Variants in SEC61A1 observed in about 807,000 individuals in gnomAD.
SEC61A1 encodes protein transport protein Sec61 subunit alpha isoform 1.
A neutral mutation model predicts 55.2 loss-of-function variants in SEC61A1; 15 were observed. That is an observed-to-expected ratio of 0.27 (90% CI 0.18 to 0.42). SEC61A1 has a LOEUF of 0.42. SEC61A1 is among the 10% of genes least tolerant of loss of function. The pLI is 1.00. For synonymous variants in SEC61A1, 247 were observed against 234.0 expected (o/e 1.06, Z -0.51); for missense variants, 284 against 602.6 (o/e 0.47, Z 5.53).
At chr3:128,052,230 G>C (rs1261191796), upstream of SEC61A1, 3 of 352,446 alleles carry the variant, frequency 8.5e-6, no homozygotes, top group East Asian at 5.5e-5. Flanking sequence ...CACACCCCCA[G>C]TCCCGGCGGG....
intron 5 of SEC61A1, among the ~76,000 whole-genome samples, chr3:128,057,073 A>G (rs919354090): frequency 1.4e-4 from 21 of 152,204 alleles, no homozygotes; most frequent in African/African-American, 4.8e-4. Flanking sequence ...AGCTGGGATT[A>G]CAGGCACGTG....
chr3:128,063,222 C>T (rs1348938227), intron 7 of SEC61A1, among the ~76,000 whole-genome samples: 2 of 152,178 alleles, frequency 1.3e-5, no homozygotes, highest in Non-Finnish European at 2.9e-5. Context: ...TGACAAGTTC[C>T]ACAGTACTAG....
Position 128,060,519 on chromosome 3 carries a change from T to C in SEC61A1, c.474T>C (p.Ala158=), listed in dbSNP as rs111965686. The part of the protein sequence containing the change: ...CLLITIQLFV[A]GLIVLLLDEL... Reference sequence around the variant, plus strand: ...TTGAATTTTTACAGCTCTTTGTTGCTGGCTTAATTGTCCTACTTTTGGATG... The same window carrying C: ...TTGAATTTTTACAGCTCTTTGTTGCCGGCTTAATTGTCCTACTTTTGGATG... The change falls in exon 7 of 12, where the codon GCT becomes GCC. Residue 158 remains alanine (A), a synonymous_variant. Transcript: ENST00000243253. The C allele has an allele frequency of 6.2e-7, 1 of 1,614,190 alleles. No homozygotes were observed. Among genetic ancestry groups the C allele is most frequent in the Non-Finnish European group, 8.5e-7 (1 of 1,180,014 alleles).
intron 2 of SEC61A1, among the ~76,000 whole-genome samples, chr3:128,053,157 G>T (rs1941715361): frequency 6.6e-6 from 1 of 152,160 alleles, no homozygotes; most frequent in African/African-American, 2.4e-5. Context: ...GCCTCCGGTT[G>T]CCCTGTCCCA....
upstream of SEC61A1, chr3:128,051,806 C>G: frequency 6.5e-7 from 1 of 1,534,416 alleles, no homozygotes; most frequent in East Asian, 2.4e-5. Flanking sequence ...CTTCTCCGGC[C>G]AAGTCTCTCC....
intron 11 of SEC61A1, among the ~76,000 whole-genome samples, chr3:128,069,204 ATT>A (rs2107654247): frequency 6.6e-6 from 1 of 152,336 alleles, no homozygotes; most frequent in South Asian, 2.1e-4. Flanking sequence ...ATGATGAAAT[ATT>A]TTACATCCTT....
In SEC61A1 at chr3:128,060,218, A is replaced by T. The variant is rs1038288312; in HGVS notation, c.462+7A>T. ...CCTGCTAATCACCATTCAGGTAATT[A>T]TTATGCTAACATCTCCCTTTGAGTA... is the stretch of plus-strand genomic sequence containing the variant. On this transcript the variant is annotated splice_region_variant and intron_variant, in intron 6 of 11. Coordinates refer to ENST00000243253, the MANE Select transcript of SEC61A1 (RefSeq NM_013336.4). 6.3e-7 allele frequency: 1 copy of T among 1,586,320 alleles called. No individual in the cohort carries two copies. Among genetic ancestry groups the T allele is most frequent in the Admixed American group, 1.7e-5 (1 of 59,998 alleles).
At chr3:128,052,019 G>T, upstream of SEC61A1, 1 of 855,388 alleles carries the variant, frequency 1.2e-6, no homozygotes, top group Non-Finnish European at 1.9e-6. Flanking sequence ...GGGAGCTTAC[G>T]GTCTATTCAC....
At chr3:128,061,429 G>T (rs1559796175) in intron 7 of SEC61A1, among the ~76,000 whole-genome samples, 1 of 152,134 alleles carries the variant, frequency 6.6e-6, no homozygotes, top group African/African-American at 2.4e-5. Context: ...ACATTTTTTG[G>T]CACTAAATAT....
chr3:128,071,521 G>A lies in SEC61A1; in HGVS notation c.*1859G>A, dbSNP rs974633249. 13 of 152,674 alleles carry A rather than the reference G, an allele frequency of 8.5e-5. No homozygotes were observed. Among genetic ancestry groups the A allele is most frequent in the African/African-American group, 2.7e-4 (11 of 41,454 alleles). The allele number at this position is 152,674 out of a possible 1,614,324, so 9.5% of individuals were successfully genotyped here. ...GTCCCGCCTGCAGCCTGTAACCATC[G>A]GCTGGGCCCTGCAAGGCCCACACTC... On this transcript the variant is annotated 3_prime_UTR_variant, in exon 12 of 12. Coordinates refer to ENST00000243253, the MANE Select transcript of SEC61A1 (RefSeq NM_013336.4).
At chr3:128,053,226 C>T (rs1258859158) in intron 2 of SEC61A1, among the ~76,000 whole-genome samples, 1 of 152,154 alleles carries the variant, frequency 6.6e-6, no homozygotes, top group African/African-American at 2.4e-5. Context: ...ATTGAGTTAC[C>T]CTCCCTTTTT....
At chr3:128,054,953 A>G (rs1251746397) in intron 2 of SEC61A1, among the ~76,000 whole-genome samples, 1 of 152,214 alleles carries the variant, frequency 6.6e-6, no homozygotes. Context: ...AAATGTTACT[A>G]GTAGGTTAAA....
chr3:128,065,475 TTC>T (rs1941939773), intron 8 of SEC61A1, among the ~76,000 whole-genome samples: 1 of 152,212 alleles, frequency 6.6e-6, no homozygotes, highest in Non-Finnish European at 1.5e-5. Context: ...TTAAACTTGC[TTC>T]TGAGTAAGAG....
chr3:128,064,785 GT>G, intron 7 of SEC61A1, 91 bp from the exon 8 acceptor site: 2 of 1,193,848 alleles, frequency 1.7e-6, no homozygotes, highest in Non-Finnish European at 2.4e-6. Flanking sequence ...ACTTAAGTTT[GT>G]TTTCCTCTTT....
At chr3:128,051,649 C>T, upstream of SEC61A1, 3 of 1,410,606 alleles carry the variant, frequency 2.1e-6, no homozygotes, top group Non-Finnish European at 2.8e-6. Context: ...GCAATCACAC[C>T]GCCATGCTTT....
At chr3:128,051,712 T>C, upstream of SEC61A1, 1 of 1,454,954 alleles carries the variant, frequency 6.9e-7, no homozygotes, top group Non-Finnish European at 9.0e-7. Flanking sequence ...CCAGAATCTA[T>C]CAAGGCTCGG....
chr3:128,059,463 C>T (rs942635094), intron 5 of SEC61A1, among the ~76,000 whole-genome samples: 4 of 148,554 alleles, frequency 2.7e-5, no homozygotes, highest in Non-Finnish European at 5.9e-5. Context: ...ACAGAGACTC[C>T]GTCTCAAAAA....
At chr3:128,052,936 C>T (rs1394695268) in intron 2 of SEC61A1, 34 bp downstream of exon 2, 1 of 1,549,284 alleles carries the variant, frequency 6.5e-7, no homozygotes, top group Non-Finnish European at 8.9e-7. Flanking sequence ...AAGAAGGTTT[C>T]AGGAAACTGT....
At chr3:128,065,386 T>C (rs1941935851) in intron 8 of SEC61A1, 1 of 556,814 alleles carries the variant, frequency 1.8e-6, no homozygotes. Context: ...AAAGTTTGTA[T>C]GATATTTATA....
Sources: allele counts gnomAD v4.1 joint callset (sites outside exome capture counted in the v4.1 genomes callset), GRCh38; gene constraint gnomAD v4.1.1; transcripts MANE v1.5; gene names NCBI Gene and HGNC (gene_info 2026-07-23, HGNC 2026-07-21).